The following CFAP299 variants were observed in gnomAD, a reference collection of about 807,000 sequenced individuals.
CFAP299 encodes the protein cilia- and flagella-associated protein 299.
In CFAP299, 21 loss-of-function variants were observed where a neutral mutation model predicts 27.0. The observed-to-expected ratio is 0.78, with a 90% CI of 0.55 to 1.12. The LOEUF (loss-of-function observed/expected upper bound fraction) is 1.12. Ranked by LOEUF, CFAP299 falls within the 50% of genes most tolerant of loss-of-function variation. The probability of loss-of-function intolerance (pLI) is 0.00; values close to 1 mark genes in which losing one functional copy is unlikely to be tolerated. For missense variants in CFAP299, 310 were observed against 276.6 expected (o/e 1.12, Z -0.86); for synonymous variants, 104 against 98.1 (o/e 1.06, Z -0.36).
chr4:80,501,837 C>T (rs11099253), intron 2 of CFAP299, among the ~76,000 whole-genome samples: 58,254 of 151,438 alleles, frequency 0.38, 14,554 homozygotes, highest in African/African-American at 0.71. Flanking sequence ...AGTCTCTTTT[C>T]TTTTATTCTT....
rs565266337 is a variant in CFAP299, at chr4:80,386,103, T to G, written c.242+23219T>G. 3.9e-5 allele frequency: 18 copies of G among 465,776 alleles called. No individual in the cohort carries two copies. In the South Asian group the frequency reaches 8.7e-4, roughly 22 times the overall value. 28.9% of individuals were successfully genotyped at this position (465,776 alleles called of 1,614,324 possible). On this transcript the variant is annotated intron_variant, in intron 2 of 5. Coordinates refer to ENST00000358105, the MANE Select transcript of CFAP299 (RefSeq NM_152770.3). ...TGGCTCGCTTCCACTGGGAAGGATCTCCAGTCTGCCCCCAGGGAGCCTGGA... is the reference window on the plus strand; with the variant it reads ...TGGCTCGCTTCCACTGGGAAGGATCGCCAGTCTGCCCCCAGGGAGCCTGGA...
chr4:80,592,649 T>C (rs1161013132), intron 3 of CFAP299, among the ~76,000 whole-genome samples: 1 of 152,166 alleles, frequency 6.6e-6, no homozygotes, highest in Non-Finnish European at 1.5e-5. Context: ...CTTCAGAGGA[T>C]TAAAAGGGAT....
chr4:80,556,177 G>A (rs1229128864), intron 2 of CFAP299, among the ~76,000 whole-genome samples: 1 of 152,004 alleles, frequency 6.6e-6, no homozygotes, highest in African/African-American at 2.4e-5. Context: ...AGCCCTGGAA[G>A]TTTTGTCTCT....
intron 5 of CFAP299, among the ~76,000 whole-genome samples, chr4:80,954,315 C>T (rs1052175940): frequency 1.3e-5 from 2 of 152,138 alleles, no homozygotes; most frequent in African/African-American, 4.8e-5. Context: ...ATTCCCATGA[C>T]TCTTTCTCAG....
chr4:80,802,581 A>G (rs1030264671), intron 3 of CFAP299, among the ~76,000 whole-genome samples: 2 of 152,146 alleles, frequency 1.3e-5, no homozygotes, highest in African/African-American at 2.4e-5. Flanking sequence ...AAAGTATTTG[A>G]TATTTGAAAC....
chr4:80,600,518 T>A (rs2109900009), intron 3 of CFAP299, among the ~76,000 whole-genome samples: 1 of 152,264 alleles, frequency 6.6e-6, no homozygotes, highest in African/African-American at 2.4e-5. Context: ...TTGGACTCCC[T>A]GTGCTGCTGT....
chr4:80,510,990 T>A (rs1033489499), intron 2 of CFAP299, among the ~76,000 whole-genome samples: 1 of 152,180 alleles, frequency 6.6e-6, no homozygotes, highest in African/African-American at 2.4e-5. Context: ...ATGAATTTGG[T>A]ATTTCTCTGA....
At chr4:80,591,355 C>A (rs1445698153) in intron 3 of CFAP299, among the ~76,000 whole-genome samples, 2 of 151,704 alleles carry the variant, frequency 1.3e-5, no homozygotes, top group Admixed American at 6.6e-5. Flanking sequence ...GATCTCCTGA[C>A]CTCGTGATCC....
chr4:80,338,337 C>T (rs1722264753), intron 1 of CFAP299, among the ~76,000 whole-genome samples: 1 of 152,020 alleles, frequency 6.6e-6, no homozygotes, highest in Admixed American at 6.6e-5. Flanking sequence ...TTTAAAAGAA[C>T]ATAATATATT....
At chr4:80,427,648 A>T (rs1727592589) in intron 2 of CFAP299, among the ~76,000 whole-genome samples, 1 of 152,146 alleles carries the variant, frequency 6.6e-6, no homozygotes, top group East Asian at 1.9e-4. Flanking sequence ...AAAGATTAAT[A>T]CTCACTCCTA....
At chr4:80,368,995 C>T (rs1723992772) in intron 2 of CFAP299, among the ~76,000 whole-genome samples, 1 of 152,190 alleles carries the variant, frequency 6.6e-6, no homozygotes, top group African/African-American at 2.4e-5. Flanking sequence ...CAGGACTGAG[C>T]AGGGTCAGAG....
At chr4:80,959,946 A>G (rs1265155372) in intron 5 of CFAP299, among the ~76,000 whole-genome samples, 1 of 151,936 alleles carries the variant, frequency 6.6e-6, no homozygotes, top group Non-Finnish European at 1.5e-5. Context: ...AAACATATAC[A>G]TTAACATGGT....
intron 2 of CFAP299, among the ~76,000 whole-genome samples, chr4:80,439,426 C>T (rs920075702): frequency 3.3e-5 from 5 of 152,200 alleles, no homozygotes; most frequent in Non-Finnish European, 7.3e-5. Flanking sequence ...GGCGTCACCT[C>T]ACCCGGGAAG....
intron 3 of CFAP299, among the ~76,000 whole-genome samples, chr4:80,770,601 T>G (rs1726154985): frequency 6.6e-6 from 1 of 152,252 alleles, no homozygotes; most frequent in Admixed American, 6.5e-5. Context: ...TTCACAGTTT[T>G]TAAAATCTGC....
intron 3 of CFAP299, among the ~76,000 whole-genome samples, chr4:80,791,204 C>G (rs1727545709): frequency 6.6e-6 from 1 of 151,500 alleles, no homozygotes; most frequent in Admixed American, 6.6e-5. Context: ...TCCTTTTGTT[C>G]CATGAAAATA....
chr4:80,351,353 A>C (rs1723006879), intron 1 of CFAP299, among the ~76,000 whole-genome samples: 1 of 152,172 alleles, frequency 6.6e-6, no homozygotes, highest in South Asian at 2.1e-4. Flanking sequence ...ATAGCACAAA[A>C]GATAGCAGAG....
intron 3 of CFAP299, among the ~76,000 whole-genome samples, chr4:80,746,166 G>A (rs924092035): frequency 1.3e-5 from 2 of 151,832 alleles, no homozygotes; most frequent in Non-Finnish European, 2.9e-5. Flanking sequence ...TTTTGGACAT[G>A]GGCAAATAAA....
intron 2 of CFAP299, among the ~76,000 whole-genome samples, chr4:80,425,977 G>A (rs1166569196): frequency 2.0e-5 from 3 of 152,114 alleles, no homozygotes. Context: ...TGAATTTGTG[G>A]ATGAAGTTGG....
At chr4:80,542,481 C>G (rs1734047260) in intron 2 of CFAP299, among the ~76,000 whole-genome samples, 1 of 152,082 alleles carries the variant, frequency 6.6e-6, no homozygotes, top group Non-Finnish European at 1.5e-5. Context: ...GAGGAGGAAA[C>G]CAAGAATGCT....
Sources: allele counts gnomAD v4.1 joint callset (sites outside exome capture counted in the v4.1 genomes callset), GRCh38; gene constraint gnomAD v4.1.1; transcripts MANE v1.5; gene names NCBI Gene and HGNC (gene_info 2026-07-23, HGNC 2026-07-21).